The following LRFN5 variants were observed in gnomAD, a reference collection of about 807,000 sequenced individuals.
LRFN5 encodes the protein leucine rich repeat and fibronectin type III domain containing 5.
LRFN5 carries 24 observed loss-of-function variants against 45.6 expected under a neutral mutation model. The ratio of observed to expected loss-of-function variants is 0.53; its 90% CI spans 0.38 to 0.74. The LOEUF is 0.74. Among genes scored for constraint, LRFN5 ranks in the 30% least tolerant of loss-of-function variants. The pLI, the probability that LRFN5 is intolerant of heterozygous loss-of-function variation, is 0.00. For synonymous variants in LRFN5, 340 were observed against 313.8 expected, an observed-to-expected ratio of 1.08 and a Z score of -0.88; for missense variants, 776 against 861.5, an observed-to-expected ratio of 0.90 and a Z score of 1.24.
rs1048669982 is a variant in LRFN5 at position 41,806,536 on chromosome 14, G to A, written c.-21+39507G>A. Among the ~76,000 whole-genome samples, 19 of 152,140 alleles carry A rather than the reference G, an allele frequency of 1.2e-4. 1 individual carries two copies. The highest frequency in any genetic ancestry group is 1.0e-3 in the Admixed American group (16 of 15,262). On this transcript the variant is annotated intron_variant, in intron 2 of 5. Coordinates refer to ENST00000298119, the MANE Select transcript of LRFN5 (RefSeq NM_152447.5). The stretch of plus-strand genomic sequence containing the variant: ...TAACTAAAAGCTTTGCTGTGATTAC[G>A]TGTGATAATACTAAGTATTCTGAGT...
intron 2 of LRFN5, among the ~76,000 whole-genome samples, chr14:41,796,967 A>T (rs1179369301): frequency 1.3e-5 from 2 of 151,826 alleles, no homozygotes; most frequent in Admixed American, 6.6e-5. Flanking sequence ...TACTTATTTT[A>T]AAAATTCACT....
chr14:41,806,477 C>A (rs1303394814), intron 2 of LRFN5, among the ~76,000 whole-genome samples: 4 of 152,070 alleles, frequency 2.6e-5, no homozygotes, highest in Admixed American at 2.0e-4. Context: ...GAATGATATT[C>A]CTAGAAGTGA....
chr14:41,813,273 T>A (rs1887800720), intron 2 of LRFN5, among the ~76,000 whole-genome samples: 1 of 152,074 alleles, frequency 6.6e-6, no homozygotes, highest in Admixed American at 6.6e-5. Flanking sequence ...GGTATACATG[T>A]GCCATGATGA....
chr14:41,823,543 A>G (rs2139018460), intron 2 of LRFN5, among the ~76,000 whole-genome samples: 1 of 152,204 alleles, frequency 6.6e-6, no homozygotes, highest in East Asian at 1.9e-4. Context: ...TTTTATAGGT[A>G]ATTACATCCT....
chr14:41,704,426 C>G (rs1262585939), intron 1 of LRFN5, among the ~76,000 whole-genome samples: 9 of 57,128 alleles, frequency 1.6e-4, no homozygotes, highest in African/African-American at 3.7e-4. Flanking sequence ...CTCTCTCTCT[C>G]TCTCTCTCTC....
chr14:41,664,543 T>A (rs1265585963), intron 1 of LRFN5, among the ~76,000 whole-genome samples: 1 of 151,988 alleles, frequency 6.6e-6, no homozygotes. Context: ...ATGCCTATAA[T>A]CCCAGTGCTT....
intron 2 of LRFN5, among the ~76,000 whole-genome samples, chr14:41,786,543 G>GTTTT (rs71105403): frequency 1.3e-3 from 189 of 142,446 alleles, no homozygotes; most frequent in East Asian, 2.5e-3. Flanking sequence ...CTCTTTATGA[G>GTTTT]TTTTTTTTTT....
chr14:41,754,861 T>A (rs1283256512), intron 1 of LRFN5, among the ~76,000 whole-genome samples: 1 of 152,172 alleles, frequency 6.6e-6, no homozygotes, highest in Non-Finnish European at 1.5e-5. Context: ...GATGTTAGGG[T>A]GTCGATTTTA....
intron 2 of LRFN5, among the ~76,000 whole-genome samples, chr14:41,847,764 G>T (rs1171252479): frequency 6.6e-6 from 1 of 151,592 alleles, no homozygotes; most frequent in Non-Finnish European, 1.5e-5. Context: ...TTTTTATCTT[G>T]CACAAAAGTT....
At chr14:41,897,089 AAAATAAAT>A (rs527665190) in intron 4 of LRFN5, among the ~76,000 whole-genome samples, 3,692 of 148,502 alleles carry the variant, frequency 0.025, 59 homozygotes, top group Non-Finnish European at 0.028. Flanking sequence ...AGACTCTGTC[AAAATAAAT>A]AAATAAATAA....
rs1278977574 is a variant in LRFN5 at position 41,894,330 on chromosome 14, CAT to C, written c.2098+2370_2098+2371del. 3.3e-6 allele frequency: 3 copies of C among 896,752 alleles called. No individual in the cohort carries two copies. In the African/African-American group the frequency reaches 5.4e-5, roughly 16 times the overall value. The allele number at this position is 896,752 out of a possible 1,614,324, so 55.5% of individuals were successfully genotyped here. A position where few individuals can be genotyped will look rare whatever the true frequency, so the allele number is the denominator to read the frequency against. On this transcript the variant is annotated intron_variant, in intron 4 of 5. Coordinates refer to ENST00000298119, the MANE Select transcript of LRFN5 (RefSeq NM_152447.5). ...GTTTGATTAAATATCTTTCATTTCT[CAT>C]AGACATTTAAAATTCCATATTTAAT... is the stretch of plus-strand genomic sequence containing the variant.
intron 1 of LRFN5, among the ~76,000 whole-genome samples, chr14:41,662,457 A>G (rs543889160): frequency 1.7e-3 from 257 of 152,200 alleles, no homozygotes; most frequent in African/African-American, 5.9e-3. Context: ...ATATTTTGCT[A>G]CATGATAGGA....
chr14:41,757,683 T>C (rs931231576), intron 1 of LRFN5, among the ~76,000 whole-genome samples: 1 of 152,180 alleles, frequency 6.6e-6, no homozygotes, highest in Non-Finnish European at 1.5e-5. Context: ...GGAAAGGGAA[T>C]TCCCTGACCC....
intron 1 of LRFN5, chr14:41,731,496 A>C (rs866449790): frequency 1.3e-4 from 20 of 152,124 alleles, no homozygotes; most frequent in African/African-American, 4.6e-4. Context: ...AATAATCATA[A>C]AGCTAATAAA....
chr14:41,867,955 C>A (rs1053987342), intron 2 of LRFN5, among the ~76,000 whole-genome samples: 15 of 152,154 alleles, frequency 9.9e-5, no homozygotes, highest in African/African-American at 3.6e-4. Flanking sequence ...TAGGACAGAT[C>A]TCCTGACTCC....
At chr14:41,846,512 A>G (rs1889073694) in intron 2 of LRFN5, among the ~76,000 whole-genome samples, 1 of 152,186 alleles carries the variant, frequency 6.6e-6, no homozygotes. Flanking sequence ...ATGATTCCAT[A>G]TACATACCAT....
chr14:41,852,120 T>A (rs1028110689), intron 2 of LRFN5, among the ~76,000 whole-genome samples: 2 of 151,896 alleles, frequency 1.3e-5, no homozygotes, highest in African/African-American at 4.8e-5. Flanking sequence ...TAAATGATCA[T>A]AATTAATTTA....
At chr14:41,660,271 C>A (rs1436468011) in intron 1 of LRFN5, among the ~76,000 whole-genome samples, 2 of 152,044 alleles carry the variant, frequency 1.3e-5, no homozygotes, top group African/African-American at 2.4e-5. Flanking sequence ...GGTTATCCAC[C>A]CACCTTGGCC....
At chr14:41,795,031 A>G (rs1330089199) in intron 2 of LRFN5, among the ~76,000 whole-genome samples, 2 of 152,020 alleles carry the variant, frequency 1.3e-5, no homozygotes, top group African/African-American at 2.4e-5. Context: ...TGTTTGGTAT[A>G]TATACTATAT....
Sources: allele counts gnomAD v4.1 joint callset (sites outside exome capture counted in the v4.1 genomes callset), GRCh38; gene constraint gnomAD v4.1.1; transcripts MANE v1.5; gene names NCBI Gene and HGNC (gene_info 2026-07-23, HGNC 2026-07-21).